SRGAP2B: variants seen among roughly 807,000 people sequenced by gnomAD.
The protein encoded by SRGAP2B is SLIT-ROBO Rho GTPase-activating protein 2B.
In SRGAP2B, 9 loss-of-function variants were observed where a neutral mutation model predicts 22.2. That is an observed-to-expected ratio of 0.41 (90% CI 0.24 to 0.71). SRGAP2B has a LOEUF of 0.71. Ranked by LOEUF, SRGAP2B falls within the 30% of genes least tolerant of loss-of-function variation. The pLI is 0.35. For missense variants in SRGAP2B, 114 were observed against 235.8 expected, an observed-to-expected ratio of 0.48 and a Z score of 3.38; for synonymous variants, 36 against 87.4, an observed-to-expected ratio of 0.41 and a Z score of 3.28.
intron 4 of SRGAP2B, among the ~76,000 whole-genome samples, chr1:144,934,477 AT>A (rs1256227213): frequency 6.8e-6 from 1 of 147,414 alleles, no homozygotes; most frequent in Non-Finnish European, 1.5e-5. Flanking sequence ...AAAATGTGAT[AT>A]TTCCCCCCAT....
intron 3 of SRGAP2B, among the ~76,000 whole-genome samples, chr1:144,966,292 C>G (rs1668077771): frequency 6.7e-6 from 1 of 150,054 alleles, no homozygotes; most frequent in South Asian, 2.1e-4. Context: ...CAGCAAATCT[C>G]TCGGCAGAAA....
At chr1:144,964,801 C>A (rs1163930755) in intron 3 of SRGAP2B, among the ~76,000 whole-genome samples, 1 of 150,564 alleles carries the variant, frequency 6.6e-6, no homozygotes, top group Non-Finnish European at 1.5e-5. Flanking sequence ...TGCCTGTACT[C>A]CTGGCTACTC....
chr1:145,064,775 A>G (rs1479803159), intron 2 of SRGAP2B, among the ~76,000 whole-genome samples: 5 of 150,116 alleles, frequency 3.3e-5, no homozygotes, highest in Non-Finnish European at 7.4e-5. Flanking sequence ...AGGGCCCTAA[A>G]AACTCAAATA....
At position 144,905,752 on chromosome 1, in the gene SRGAP2B, C is replaced by T; in HGVS notation, c.702+107G>A. On this transcript the variant is annotated intron_variant, in intron 6 of 9. Transcript: ENST00000612199. ...TTCAGTCATTAGGCACTAAAAGAAC[C>T]CAGAGCTTCCTCGTCTGCTCTTCCC... The T allele has an allele frequency of 7.1e-6, 5 of 708,260 alleles. No individual in the cohort carries two copies. In the South Asian group the frequency reaches 7.5e-5, roughly 11 times the overall value. 43.9% of individuals were successfully genotyped at this position (708,260 alleles called of 1,614,324 possible). A position where few individuals can be genotyped will look rare whatever the true frequency, so the allele number is the denominator to read the frequency against.
intron 4 of SRGAP2B, among the ~76,000 whole-genome samples, chr1:144,942,581 G>A (rs1666134254): frequency 1.3e-5 from 2 of 150,300 alleles, no homozygotes; most frequent in Admixed American, 1.3e-4. Flanking sequence ...CACGACGCCT[G>A]GCTAATTTCT....
chr1:144,908,017 G>A (rs1370049954), intron 5 of SRGAP2B, among the ~76,000 whole-genome samples: 1 of 145,120 alleles, frequency 6.9e-6, no homozygotes, highest in East Asian at 2.0e-4. Flanking sequence ...ACAACTAATG[G>A]CGTTTAAAAG....
intron 3 of SRGAP2B, among the ~76,000 whole-genome samples, chr1:144,971,255 T>C (rs6671157): frequency 9.1e-5 from 13 of 142,352 alleles, no homozygotes; most frequent in African/African-American, 1.3e-4. Context: ...CTCAGCCTCC[T>C]GAGTAGCTGG....
At chr1:144,966,686 C>T (rs1553612316) in intron 3 of SRGAP2B, among the ~76,000 whole-genome samples, 1 of 146,714 alleles carries the variant, frequency 6.8e-6, no homozygotes, top group East Asian at 1.9e-4. Flanking sequence ...AATTAAAAGA[C>T]ACAGACTGGC....
At chr1:145,011,374 A>G (rs1281876217) in intron 2 of SRGAP2B, among the ~76,000 whole-genome samples, 1 of 139,078 alleles carries the variant, frequency 7.2e-6, no homozygotes, top group African/African-American at 2.9e-5. Flanking sequence ...CTTGCTTCCT[A>G]TCAGATCCCA....
intron 3 of SRGAP2B, among the ~76,000 whole-genome samples, chr1:144,976,308 TA>T (rs1479348133): frequency 1.4e-5 from 2 of 145,518 alleles, no homozygotes; most frequent in African/African-American, 5.5e-5. Flanking sequence ...GAAAATTAAA[TA>T]AAACATGTGG....
rs1422950890 is a variant in SRGAP2B, at chr1:144,916,119, A to G, written c.424-1365T>C. The stretch of plus-strand genomic sequence containing the variant: ...ACAAAAGTAATGTATGTTTATTATA[A>G]TAAGGAAACTAGAAACCTCAAAAAA... On this transcript the variant is annotated intron_variant, in intron 4 of 9. Transcript: ENST00000612199. 8.0e-5 allele frequency among the ~76,000 whole-genome samples: 12 copies of G among 150,536 alleles called. 2 individuals carry two copies. The highest frequency in any genetic ancestry group is 2.6e-4 in the Admixed American group (4 of 15,158).
chr1:144,954,657 G>A (rs1667128857), intron 4 of SRGAP2B, among the ~76,000 whole-genome samples: 3 of 150,776 alleles, frequency 2.0e-5, no homozygotes, highest in African/African-American at 7.4e-5. Context: ...AGCTGAGACA[G>A]CTTAGAAAAG....
chr1:145,015,123 C>T (rs1253915491), intron 2 of SRGAP2B, among the ~76,000 whole-genome samples: 3 of 140,736 alleles, frequency 2.1e-5, no homozygotes, highest in Non-Finnish European at 3.0e-5. Context: ...GTTGCCCAGG[C>T]TGGAGTACAG....
At position 144,965,189 on chromosome 1, in the gene SRGAP2B, G is replaced by A. The variant is rs587738537; in HGVS notation, c.261-9588C>T. The A allele has an allele frequency of 4.6e-5, 48 of 1,043,856 alleles. No individual in the cohort carries two copies. In the East Asian group the frequency reaches 6.1e-4, roughly 13 times the overall value. 64.7% of individuals were successfully genotyped at this position (1,043,856 alleles called of 1,614,324 possible). A position where few individuals can be genotyped will look rare whatever the true frequency, so the allele number is the denominator to read the frequency against. ...AAGATGGCCGAATAGGAACAGCTCC[G>A]GTCTACAGCTCCAGCGTGAGCGACA... On this transcript the variant is annotated intron_variant, in intron 3 of 9. Coordinates refer to ENST00000612199, the Ensembl canonical transcript of SRGAP2B.
intron 3 of SRGAP2B, among the ~76,000 whole-genome samples, chr1:144,987,557 G>A (rs1262831224): frequency 1.3e-5 from 2 of 150,864 alleles, no homozygotes; most frequent in East Asian, 3.9e-4. Flanking sequence ...TATGACATCA[G>A]AGAGAAATCA....
Position 144,905,689 on chromosome 1 carries a change from C to A in SRGAP2B, c.702+170G>T, listed in dbSNP as rs1185288635. On this transcript the variant is annotated intron_variant, in intron 6 of 9. Transcript: ENST00000612199. ...ACCCACGTGCCCAGTTCTTCCAATA[C>A]CTAGTATTCCTGCCAGGGCACAGAG... Among the ~76,000 whole-genome samples the A allele has an allele frequency of 4.0e-5, 6 of 149,476 alleles. No individual in the cohort carries two copies. In the East Asian group the frequency reaches 1.2e-3, roughly 29 times the overall value.
intron 3 of SRGAP2B, among the ~76,000 whole-genome samples, chr1:144,983,889 A>C (rs1448953902): frequency 6.6e-6 from 1 of 150,626 alleles, no homozygotes; most frequent in Non-Finnish European, 1.5e-5. Flanking sequence ...TTAGCCCTGC[A>C]TACAGCCATT....
intron 4 of SRGAP2B, among the ~76,000 whole-genome samples, chr1:144,925,072 G>A (rs1167019977): frequency 3.4e-5 from 5 of 148,588 alleles, no homozygotes; most frequent in East Asian, 2.0e-4. Context: ...GCGCCATCTC[G>A]GCTCACTGCA....
At chr1:144,904,135 G>A (rs1320078276) in intron 7 of SRGAP2B, among the ~76,000 whole-genome samples, 1 of 148,818 alleles carries the variant, frequency 6.7e-6, no homozygotes, top group Non-Finnish European at 1.5e-5. Context: ...CCAGATGTCA[G>A]GGGGAGCTGG....
Sources: allele counts gnomAD v4.1 joint callset (sites outside exome capture counted in the v4.1 genomes callset), GRCh38; gene constraint gnomAD v4.1.1; transcripts MANE v1.5; gene names NCBI Gene and HGNC (gene_info 2026-07-23, HGNC 2026-07-21).